The following MCF2L2 variants were observed in gnomAD, a reference collection of about 807,000 sequenced individuals.
The protein encoded by MCF2L2 is probable guanine nucleotide exchange factor MCF2L2.
MCF2L2 carries 102 observed loss-of-function variants against 150.2 expected under a neutral mutation model. That is an observed-to-expected ratio of 0.68 (90% CI 0.58 to 0.80). The LOEUF is 0.80. Among genes scored for constraint, MCF2L2 ranks in the 30% least tolerant of loss-of-function variants. The probability of loss-of-function intolerance (pLI) is 0.00; values close to 1 mark genes in which losing one functional copy is unlikely to be tolerated. For synonymous variants in MCF2L2, 465 were observed against 491.3 expected (o/e 0.95, Z 0.71); for missense variants, 1,256 against 1,372.8 (o/e 0.91, Z 1.34).
intron 3 of MCF2L2, chr3:183,374,217 G>C (rs1577102684): frequency 6.6e-6 from 1 of 152,406 alleles, no homozygotes; most frequent in South Asian, 2.1e-4. Flanking sequence ...CCTTAACTTG[G>C]GGGTAAAGGC....
At chr3:183,312,175 C>T (rs1729408865) in intron 7 of MCF2L2, among the ~76,000 whole-genome samples, 1 of 152,096 alleles carries the variant, frequency 6.6e-6, no homozygotes, top group African/African-American at 2.4e-5. Context: ...GTAATAACTG[C>T]TAGTTGATCA....
chr3:183,211,114 G>A (rs755521517), intron 22 of MCF2L2, among the ~76,000 whole-genome samples: 9 of 152,084 alleles, frequency 5.9e-5, no homozygotes, highest in African/African-American at 9.7e-5. Context: ...AGAAACTGAC[G>A]GAAGGGAAAA....
At position 183,193,074 on chromosome 3, in the gene MCF2L2, C is replaced by T. The variant is rs146776367; in HGVS notation, c.2941G>A (p.Gly981Arg). 1.3e-4 allele frequency: 215 copies of T among 1,614,010 alleles called. 1 individual carries two copies. The African/African-American group carries it at 2.1e-3, about 16-fold the overall frequency. ...STSKGSGAGS[G>R]PWIKNMERAT... ...CTTTCCATATTTTTAATCCATGGTC[C>T]GGATCCTGCTCCACTGCCTTTGCTT... Residue 981 changes from glycine (G) to arginine (R), a missense_variant, in exon 27 of 30, where the codon GGA becomes AGA. By Grantham distance (125) the Gly-to-Arg change is moderately radical. Coordinates refer to ENST00000328913, the MANE Select transcript of MCF2L2 (RefSeq NM_015078.4).
chr3:183,417,078 C>T (rs143698801), intron 1 of MCF2L2, among the ~76,000 whole-genome samples: 13 of 122,706 alleles, frequency 1.1e-4, no homozygotes, highest in Non-Finnish European at 2.1e-4. Flanking sequence ...TGCCACACCA[C>T]TACACTCCAG....
At chr3:183,315,260 G>A (rs1729558458) in intron 7 of MCF2L2, among the ~76,000 whole-genome samples, 1 of 151,874 alleles carries the variant, frequency 6.6e-6, no homozygotes, top group East Asian at 1.9e-4. Context: ...TCTTTTAAAG[G>A]ATGTTAATAT....
chr3:183,342,776 G>A (rs1730755693), intron 3 of MCF2L2, among the ~76,000 whole-genome samples: 1 of 151,884 alleles, frequency 6.6e-6, no homozygotes. Flanking sequence ...CTTCTATTAA[G>A]TCTTATGTGC....
At chr3:183,379,750 T>C (rs539550483) in intron 2 of MCF2L2, among the ~76,000 whole-genome samples, 2 of 152,304 alleles carry the variant, frequency 1.3e-5, no homozygotes, top group South Asian at 4.1e-4. Context: ...ATGTCAAAAG[T>C]AATATTGCAT....
intron 3 of MCF2L2, among the ~76,000 whole-genome samples, chr3:183,351,476 A>G (rs549406027): frequency 5.3e-5 from 8 of 151,936 alleles, no homozygotes; most frequent in Non-Finnish European, 1.2e-4. Flanking sequence ...GTGACAAACC[A>G]TCCTGTTTGT....
chr3:183,202,119 T>C (rs534222976), intron 25 of MCF2L2, among the ~76,000 whole-genome samples: 2 of 152,308 alleles, frequency 1.3e-5, no homozygotes, highest in East Asian at 3.9e-4. Flanking sequence ...GGGGGAACTA[T>C]GGAGCCTCAT....
intron 15 of MCF2L2, among the ~76,000 whole-genome samples, chr3:183,243,076 C>G (rs1156984191): frequency 6.6e-6 from 1 of 152,192 alleles, no homozygotes; most frequent in Non-Finnish European, 1.5e-5. Context: ...ATGTCTACAC[C>G]CACATTTTAT....
chr3:183,192,049 C>T (rs975709937), intron 27 of MCF2L2, among the ~76,000 whole-genome samples: 2 of 150,988 alleles, frequency 1.3e-5, no homozygotes, highest in African/African-American at 2.4e-5. Flanking sequence ...TGGGGTTTCA[C>T]TGTGTTAGCC....
intron 11 of MCF2L2, chr3:183,298,788 C>CAA (rs1728688684): frequency 6.6e-6 from 1 of 152,332 alleles, no homozygotes; most frequent in African/African-American, 2.4e-5. Flanking sequence ...CACACACACA[C>CAA]ACACACCAGG....
chr3:183,328,551 T>C (rs1461568025), intron 5 of MCF2L2, among the ~76,000 whole-genome samples: 3 of 150,204 alleles, frequency 2.0e-5, no homozygotes, highest in East Asian at 3.9e-4. Flanking sequence ...TACACATTAG[T>C]TGTCAGAAGT....
At chr3:183,371,659 G>A in intron 3 of MCF2L2, among the ~76,000 whole-genome samples, 1 of 147,038 alleles carries the variant, frequency 6.8e-6, no homozygotes, top group South Asian at 2.1e-4. Context: ...TTTTTTTTAA[G>A]TAGAGATGGG....
chr3:183,355,795 T>C (rs924564274), intron 3 of MCF2L2, among the ~76,000 whole-genome samples: 9 of 151,882 alleles, frequency 5.9e-5, no homozygotes, highest in South Asian at 2.1e-4. Context: ...TCCACACCAG[T>C]CACCTGAGGG....
At chr3:183,263,722 C>T (rs1471162251) in intron 15 of MCF2L2, among the ~76,000 whole-genome samples, 1 of 152,154 alleles carries the variant, frequency 6.6e-6, no homozygotes, top group African/African-American at 2.4e-5. Context: ...CTCTCCATCG[C>T]CTCGAACTCA....
chr3:183,300,046 T>C lies in MCF2L2; in HGVS notation c.1264A>G (p.Ile422Val). The change falls in exon 11 of 30, where the codon ATT becomes GTT. Residue 422 changes from isoleucine to valine, a missense_variant. Physicochemically the swap from Ile to Val is conservative, Grantham distance 29. Transcript: ENST00000328913. ...FINGNKKKWD[I>V]LGKSLEFHRQ... ...TGAAACTCTAAGGACTTTCCTAAAA[T>C]GTCCCATTTTTTCTTGTTTCCATTG... 2 of 1,613,908 alleles carry C rather than the reference T, an allele frequency of 1.2e-6. No homozygotes were observed. The highest frequency in any genetic ancestry group is 1.7e-6 in the Non-Finnish European group (2 of 1,179,948).
chr3:183,380,377 A>G (rs1713448799), intron 2 of MCF2L2, among the ~76,000 whole-genome samples: 1 of 152,184 alleles, frequency 6.6e-6, no homozygotes, highest in South Asian at 2.1e-4. Context: ...CTACTACCAT[A>G]TGAACTACTT....
chr3:183,398,573 G>T (rs1233972910), intron 1 of MCF2L2, among the ~76,000 whole-genome samples: 1 of 151,270 alleles, frequency 6.6e-6, no homozygotes, highest in Non-Finnish European at 1.5e-5. Flanking sequence ...TTTAAAAAAA[G>T]AAAAAAGGGA....
Sources: allele counts gnomAD v4.1 joint callset (sites outside exome capture counted in the v4.1 genomes callset), GRCh38; gene constraint gnomAD v4.1.1; transcripts MANE v1.5; gene names NCBI Gene and HGNC (gene_info 2026-07-23, HGNC 2026-07-21).